COA8: variants seen among roughly 807,000 people sequenced by gnomAD.
The protein encoded by COA8 is cytochrome c oxidase assembly factor 8, also known as UPF0671 protein C14orf153.
A neutral mutation model predicts 22.0 loss-of-function variants in COA8; 20 were observed. The ratio of observed to expected loss-of-function variants is 0.91; its 90% confidence interval spans 0.64 to 1.32. The LOEUF (loss-of-function observed/expected upper bound fraction) is 1.32, where lower values mean the gene tolerates loss of function less well. Ranked by LOEUF, COA8 falls within the 40% of genes most tolerant of loss-of-function variation. COA8 has a pLI of 0.00. For synonymous variants in COA8, 105 were observed against 79.9 expected (o/e 1.31, Z -1.68); for missense variants, 266 against 230.0 (o/e 1.16, Z -1.01).
At chr14:103,571,574 T>C (rs2076184582) in intron 1 of COA8, 49 bp from the exon 2 acceptor site, 1 of 1,465,326 alleles carries the variant, frequency 6.8e-7, no homozygotes, top group South Asian at 1.2e-5. Context: ...CATTTTATAA[T>C]ACTAGAGATT....
At position 103,590,333 on chromosome 14, in the gene COA8, A is replaced by C; in HGVS notation, c.*47A>C. ...GAGTCCAGGTTTCCACAGGAAGCAG[A>C]TGGAGCTCCTTTCACAGGGGCTCTG... On this transcript the variant is annotated 3_prime_UTR_variant, in exon 5 of 5. Transcript: ENST00000409074. 1 of 1,515,256 alleles carries C rather than the reference A, an allele frequency of 6.6e-7. No homozygotes were observed. Among genetic ancestry groups the C allele is most frequent in the Non-Finnish European group, 9.1e-7 (1 of 1,099,148 alleles). 93.9% of individuals were successfully genotyped at this position (1,515,256 alleles called of 1,614,324 possible).
chr14:103,563,302 G>A (rs1421841955), intron 1 of COA8, 178 bp downstream of exon 1: 1 of 861,584 alleles, frequency 1.2e-6, no homozygotes, highest in South Asian at 1.4e-5. Flanking sequence ...CCCTCAGTCG[G>A]ATGGGACTGA....
intron 4 of COA8, among the ~76,000 whole-genome samples, chr14:103,589,704 G>A (rs1037589281): frequency 1.3e-5 from 2 of 151,700 alleles, no homozygotes; most frequent in East Asian, 1.9e-4. Context: ...TCAGGAGATC[G>A]AAACCATCCT....
chr14:103,586,244 G>A (rs1595150127), intron 3 of COA8, among the ~76,000 whole-genome samples: 1 of 126,186 alleles, frequency 7.9e-6, no homozygotes. Context: ...GTCTGGCTCT[G>A]TTGCCCAGGC....
chr14:103,582,185 C>A (rs184272218), intron 3 of COA8, among the ~76,000 whole-genome samples: 2 of 152,148 alleles, frequency 1.3e-5, no homozygotes, highest in East Asian at 3.8e-4. Flanking sequence ...ACTTCCTGTT[C>A]GGGGACTGGG....
In COA8 at chr14:103,562,991, G is replaced by A. The variant is rs547471485; in HGVS notation, c.-11G>A. 24 of 1,548,326 alleles carry A rather than the reference G, an allele frequency of 1.6e-5. No individual in the cohort carries two copies. In the South Asian group the frequency reaches 2.2e-4, roughly 14 times the overall value. On this transcript the variant is annotated 5_prime_UTR_variant, in exon 1 of 5. Coordinates refer to ENST00000409074, the MANE Select transcript of COA8 (RefSeq NM_001370595.2). ...CTGCCGTGCGCCGCGGGAGCCAGGGGGCGTGGGGCCATGGTGGTCTTGCGG... is the reference window on the plus strand; with the variant it reads ...CTGCCGTGCGCCGCGGGAGCCAGGGAGCGTGGGGCCATGGTGGTCTTGCGG...
chr14:103,585,511 C>T (rs1049411097), intron 3 of COA8, among the ~76,000 whole-genome samples: 3 of 149,856 alleles, frequency 2.0e-5, no homozygotes, highest in East Asian at 1.9e-4. Context: ...TACATATTCT[C>T]GATACTAGAC....
chr14:103,590,233 C>G lies in COA8; in HGVS notation c.529C>G (p.Leu177Val), dbSNP rs1375113409. The change falls in exon 5 of 5, where the codon CTG becomes GTG. Residue 177 changes from leucine to valine, a missense_variant. By Grantham distance (32) the Leu-to-Val change is conservative. Transcript: ENST00000409074. ...CACCTTCTTCATGGGAAAAGTGGCC[C>G]TGGAAAGGATTTGGAACAAGCTTAA... is the stretch of plus-strand genomic sequence containing the variant. The part of the protein sequence containing the change: ...AITFFMGKVA[L>V]ERIWNKLKQK... The G allele has an allele frequency of 6.2e-7, 1 of 1,614,074 alleles. No individual in the cohort carries two copies. The highest frequency in any genetic ancestry group is 1.7e-5 in the Admixed American group (1 of 59,998).
chr14:103,571,062 C>A (rs1358690156), intron 1 of COA8, among the ~76,000 whole-genome samples: 1 of 152,150 alleles, frequency 6.6e-6, no homozygotes, highest in East Asian at 1.9e-4. Context: ...GGAGAAGTTG[C>A]AGATCTTGTG....
At chr14:103,573,901 ATCT>A (rs796330810) in intron 2 of COA8, among the ~76,000 whole-genome samples, 16 of 152,268 alleles carry the variant, frequency 1.1e-4, no homozygotes, top group African/African-American at 3.8e-4. Context: ...TTTATTGAAC[ATCT>A]TCTCAAATCC....
Position 103,574,180 on chromosome 14 carries a change from T to G in COA8, c.385+10T>G. 4 of 1,610,020 alleles carry G rather than the reference T, an allele frequency of 2.5e-6. No individual in the cohort carries two copies. The highest frequency in any genetic ancestry group is 2.2e-5 in the South Asian group (2 of 90,970). On this transcript the variant is annotated intron_variant, in intron 3 of 4. Coordinates refer to ENST00000409074, the MANE Select transcript of COA8 (RefSeq NM_001370595.2). ...CTGAGAACTGAATCAGGTTAGTGTGTTTGTTTGATTGTTTTTTTTGCTTTC... is the reference window on the plus strand; with the variant it reads ...CTGAGAACTGAATCAGGTTAGTGTGGTTGTTTGATTGTTTTTTTTGCTTTC...
At chr14:103,578,795 C>A (rs1291321744) in intron 3 of COA8, among the ~76,000 whole-genome samples, 2 of 152,174 alleles carry the variant, frequency 1.3e-5, no homozygotes, top group Non-Finnish European at 2.9e-5. Flanking sequence ...TCAATGGAGT[C>A]AGGTGGCAGC....
chr14:103,563,263 C>A, intron 1 of COA8, 139 bp downstream of exon 1: 1 of 1,179,414 alleles, frequency 8.5e-7, no homozygotes, highest in Non-Finnish European at 1.2e-6. Flanking sequence ...CCCGAACAGT[C>A]CCGCAGCCCC....
intron 3 of COA8, among the ~76,000 whole-genome samples, chr14:103,584,233 C>T (rs2151186001): frequency 6.6e-6 from 1 of 152,270 alleles, no homozygotes; most frequent in East Asian, 1.9e-4. Context: ...AGCCCGGATG[C>T]TCTCTGAACC....
chr14:103,584,238 T>C (rs2076289304), intron 3 of COA8, among the ~76,000 whole-genome samples: 1 of 152,186 alleles, frequency 6.6e-6, no homozygotes, highest in Non-Finnish European at 1.5e-5. Context: ...GGATGCTCTC[T>C]GAACCCCATG....
chr14:103,589,607 A>G (rs2076335154), intron 4 of COA8, among the ~76,000 whole-genome samples: 1 of 151,576 alleles, frequency 6.6e-6, no homozygotes, highest in Non-Finnish European at 1.5e-5. Flanking sequence ...AGATGAAAAA[A>G]CAAAACAAAA....
intron 1 of COA8, among the ~76,000 whole-genome samples, chr14:103,569,824 C>T (rs2076168538): frequency 1.3e-5 from 2 of 152,252 alleles, no homozygotes; most frequent in African/African-American, 4.8e-5. Context: ...TAATAAAAGT[C>T]AACATTTGTA....
rs538700789 is a variant in COA8, at chr14:103,581,171, C to T, written c.386-6103C>T. Among the ~76,000 whole-genome samples, 5 of 152,192 alleles carry T rather than the reference C, an allele frequency of 3.3e-5. No homozygotes were observed. The highest frequency in any genetic ancestry group is 2.4e-5 in the African/African-American group (1 of 41,512). On this transcript the variant is annotated intron_variant, in intron 3 of 4. Coordinates refer to ENST00000409074, the MANE Select transcript of COA8 (RefSeq NM_001370595.2). The surrounding 1 kb of genome is among the most constrained non-coding windows in gnomAD (Gnocchi z 4.1). ...TATCTGTAGGAGTCCTGGAACCAAC[C>T]TCCTATCGATACCAAGGGACAACTT...
In COA8 at chr14:103,581,301, G is replaced by T. The variant is rs2076265690; in HGVS notation, c.386-5973G>T. Among the ~76,000 whole-genome samples, 1 of 152,112 alleles carries T rather than the reference G, an allele frequency of 6.6e-6. No homozygotes were observed. The highest frequency in any genetic ancestry group is 1.5e-5 in the Non-Finnish European group (1 of 68,010). On this transcript the variant is annotated intron_variant, in intron 3 of 4. Transcript: ENST00000409074. This position sits in a 1 kb window ranked among gnomAD's most constrained non-coding sequence, Gnocchi z 4.1. The stretch of plus-strand genomic sequence containing the variant: ...ACAATATGCCAGCATCTCTAATCTT[G>T]TATTTTGCAACCATTACCAAGTAAA...
Sources: gnomAD v4.1 joint callset for allele counts (sites outside exome capture counted in the v4.1 genomes callset) on GRCh38, gnomAD v4.1.1 for gene constraint, Gnocchi (gnomAD v3.1) non-coding constraint, MANE v1.5 for transcripts, NCBI Gene and HGNC (gene_info 2026-07-23, HGNC 2026-07-21) for gene names.